CADPS2: variants seen among roughly 807,000 people sequenced by gnomAD.
CADPS2 encodes calcium-dependent secretion activator 2.
CADPS2 carries 93 observed loss-of-function variants against 172.5 expected under a neutral mutation model. The observed-to-expected ratio is 0.54, with a 90% CI of 0.46 to 0.64. The LOEUF is 0.64. CADPS2 is among the 30% of genes least tolerant of loss of function. CADPS2 has a pLI of 0.00. For missense variants in CADPS2, 1,420 were observed against 1,565.9 expected, an observed-to-expected ratio of 0.91 and a Z score of 1.57; for synonymous variants, 546 against 555.2, an observed-to-expected ratio of 0.98 and a Z score of 0.23.
intron 1 of CADPS2, among the ~76,000 whole-genome samples, chr7:122,756,191 C>T (rs1057406864): frequency 6.6e-6 from 1 of 152,030 alleles, no homozygotes; most frequent in South Asian, 2.1e-4. Flanking sequence ...CAGTGGAACA[C>T]CACAATGAAC....
intron 11 of CADPS2, among the ~76,000 whole-genome samples, chr7:122,487,855 T>G (rs959995624): frequency 3.3e-5 from 5 of 152,150 alleles, no homozygotes; most frequent in African/African-American, 1.2e-4. Flanking sequence ...TTACATGGTA[T>G]GCAGTAATCA....
In CADPS2 at chr7:122,562,012, G is replaced by C. The variant is rs75971501; in HGVS notation, c.1336-7323C>G. ...CTGTGGTGAAAAGAGAAAAAGTCTT[G>C]ATAACTAAATTACTGCCAAAATTTG... On this transcript the variant is annotated intron_variant, in intron 7 of 29. Transcript: ENST00000449022. Among the ~76,000 whole-genome samples, 11 of 152,234 alleles carry C rather than the reference G, an allele frequency of 7.2e-5. No individual in the cohort carries two copies. In the East Asian group the frequency reaches 2.1e-3, roughly 29 times the overall value.
At chr7:122,837,113 G>C (rs1246823922) in intron 1 of CADPS2, among the ~76,000 whole-genome samples, 3 of 152,116 alleles carry the variant, frequency 2.0e-5, no homozygotes, top group Non-Finnish European at 4.4e-5. Context: ...TAGAACTCAG[G>C]ATTAAGAAAC....
intron 3 of CADPS2, among the ~76,000 whole-genome samples, chr7:122,653,603 G>GT (rs953179286): frequency 1.1e-4 from 16 of 152,162 alleles, no homozygotes; most frequent in African/African-American, 3.4e-4. Context: ...AGATATTATG[G>GT]TTTTTTTACA....
At chr7:122,780,663 C>A (rs989730866) in intron 1 of CADPS2, among the ~76,000 whole-genome samples, 2 of 152,170 alleles carry the variant, frequency 1.3e-5, no homozygotes, top group African/African-American at 4.8e-5. Context: ...GTCTCCACAC[C>A]ACTAATTTTT....
chr7:122,380,304 A>G (rs1038204590), intron 24 of CADPS2, among the ~76,000 whole-genome samples: 2 of 152,096 alleles, frequency 1.3e-5, no homozygotes, highest in Non-Finnish European at 2.9e-5. Context: ...TAGCCACTTC[A>G]CAGAAAATGT....
At chr7:122,451,309 T>C in intron 15 of CADPS2, 65 bp downstream of exon 15, 1 of 785,932 alleles carries the variant, frequency 1.3e-6, no homozygotes, top group Non-Finnish European at 1.9e-6. Context: ...TAAACAATTT[T>C]TGGGGGAAGT....
At chr7:122,612,052 A>T (rs1484630247) in intron 6 of CADPS2, among the ~76,000 whole-genome samples, 1 of 152,076 alleles carries the variant, frequency 6.6e-6, no homozygotes, top group Non-Finnish European at 1.5e-5. Context: ...AATAGAAATG[A>T]ACTTCCTTAA....
At chr7:122,405,072 A>G (rs966423733) in intron 20 of CADPS2, among the ~76,000 whole-genome samples, 3 of 151,878 alleles carry the variant, frequency 2.0e-5, no homozygotes, top group African/African-American at 7.3e-5. Context: ...ACAGAGTGAG[A>G]CTGCATCTCA....
At chr7:122,604,526 T>C (rs1387567512) in intron 6 of CADPS2, among the ~76,000 whole-genome samples, 2 of 152,090 alleles carry the variant, frequency 1.3e-5, no homozygotes, top group African/African-American at 4.8e-5. Context: ...TAAAGGCATT[T>C]CTTCTGACTG....
intron 6 of CADPS2, among the ~76,000 whole-genome samples, chr7:122,594,486 CA>C (rs918968373): frequency 9.9e-5 from 15 of 151,952 alleles, no homozygotes; most frequent in African/African-American, 3.6e-4. Flanking sequence ...CTAAGGATTA[CA>C]AAGGCCTCCA....
chr7:122,594,131 T>C (rs549425513), intron 6 of CADPS2, among the ~76,000 whole-genome samples: 2 of 152,154 alleles, frequency 1.3e-5, no homozygotes, highest in South Asian at 4.1e-4. Flanking sequence ...ACAAAGTTAT[T>C]TGTTTCTTCA....
intron 3 of CADPS2, among the ~76,000 whole-genome samples, chr7:122,662,063 G>T (rs2080614204): frequency 6.6e-6 from 1 of 152,106 alleles, no homozygotes; most frequent in Non-Finnish European, 1.5e-5. Flanking sequence ...CTATTAATTT[G>T]TTGACTTGAA....
chr7:122,474,571 G>C (rs1300291937), intron 12 of CADPS2, 54 bp from the exon 13 acceptor site: 4 of 1,546,750 alleles, frequency 2.6e-6, no homozygotes, highest in Non-Finnish European at 2.6e-6. Flanking sequence ...CTTAATGATG[G>C]ACATACAAGT....
At chr7:122,873,633 G>A (rs1274036913) in intron 1 of CADPS2, among the ~76,000 whole-genome samples, 14 of 152,124 alleles carry the variant, frequency 9.2e-5, no homozygotes, top group African/African-American at 1.2e-4. Flanking sequence ...GTAAACGTAC[G>A]TGTGCATGTG....
At chr7:122,431,148 T>C (rs1015308264) in intron 17 of CADPS2, among the ~76,000 whole-genome samples, 1 of 152,268 alleles carries the variant, frequency 6.6e-6, no homozygotes, top group African/African-American at 2.4e-5. Flanking sequence ...AGTAATTGGT[T>C]TGAAAGACTT....
chr7:122,684,229 C>T (rs181455751), intron 2 of CADPS2, among the ~76,000 whole-genome samples: 14 of 152,040 alleles, frequency 9.2e-5, no homozygotes, highest in Admixed American at 3.9e-4. Flanking sequence ...CATTATATGT[C>T]GTTTCACTTA....
chr7:122,405,344 A>G lies in CADPS2; in HGVS notation c.2746+2196T>C, dbSNP rs531385877. Among the ~76,000 whole-genome samples, 3 of 152,292 alleles carry G rather than the reference A, an allele frequency of 2.0e-5. No individual in the cohort carries two copies. The South Asian group carries it at 6.2e-4, about 32-fold the overall frequency. On this transcript the variant is annotated intron_variant, in intron 20 of 29. Transcript: ENST00000449022. ...AGTCATTCCACGTTGGCTAGCTGGC[A>G]GGAAGGAAACAAACTGGAACTTAAA...
intron 5 of CADPS2, among the ~76,000 whole-genome samples, chr7:122,620,720 T>C (rs986278519): frequency 6.6e-6 from 1 of 152,174 alleles, no homozygotes; most frequent in African/African-American, 2.4e-5. Context: ...TGATACCTAA[T>C]AATGTGCATT....
Sources: gnomAD v4.1 joint callset for allele counts (sites outside exome capture counted in the v4.1 genomes callset) on GRCh38, gnomAD v4.1.1 for gene constraint, MANE v1.5 for transcripts, NCBI Gene and HGNC (gene_info 2026-07-23, HGNC 2026-07-21) for gene names.